Variants in SFMBT1 observed in about 807,000 individuals in gnomAD.
SFMBT1 encodes the protein scm-like with four MBT domains protein 1.
Under a neutral mutation model 108.7 loss-of-function variants are expected in SFMBT1, and 32 were observed. The observed-to-expected ratio is 0.29, with a 90% CI of 0.22 to 0.40. The LOEUF (loss-of-function observed/expected upper bound fraction) is 0.40. Among genes scored for constraint, SFMBT1 ranks in the 10% least tolerant of loss-of-function variants. The probability of loss-of-function intolerance (pLI) is 1.00; values close to 1 mark genes in which losing one functional copy is unlikely to be tolerated. For synonymous variants in SFMBT1, 348 were observed against 369.5 expected (o/e 0.94, Z 0.67); for missense variants, 816 against 1,059.6 (o/e 0.77, Z 3.19).
At position 52,966,690 on chromosome 3, in the gene SFMBT1, G is replaced by A. The variant is rs1414325612; in HGVS notation, c.28+2411C>T. 1.7e-4 allele frequency among the ~76,000 whole-genome samples: 26 copies of A among 148,654 alleles called. 1 individual carries two copies. The highest frequency in any genetic ancestry group is 1.7e-3 in the Admixed American group (26 of 14,944). ...TAAATAGAAATGAAGTGACAAAAGA[G>A]AGAATCTTGGAAAATCAGGAAAAGA... On this transcript the variant is annotated intron_variant, in intron 2 of 20. Transcript: ENST00000394752.
At chr3:52,989,503 T>C (rs1366756169) in intron 1 of SFMBT1, among the ~76,000 whole-genome samples, 1 of 150,790 alleles carries the variant, frequency 6.6e-6, no homozygotes, top group Admixed American at 6.6e-5. Context: ...GTTCATGTTT[T>C]ATAAGAAAAA....
chr3:53,007,544 T>C (rs542674129), intron 1 of SFMBT1, among the ~76,000 whole-genome samples: 11 of 152,278 alleles, frequency 7.2e-5, no homozygotes, highest in African/African-American at 2.4e-4. Flanking sequence ...CCAAGAATAA[T>C]GGAGACATGT....
At chr3:52,994,915 C>A (rs72961763) in intron 1 of SFMBT1, among the ~76,000 whole-genome samples, 1 of 142,730 alleles carries the variant, frequency 7.0e-6, no homozygotes, top group Non-Finnish European at 1.6e-5. Flanking sequence ...AAAAAAAGAG[C>A]AAGAAATTGA....
intron 1 of SFMBT1, among the ~76,000 whole-genome samples, chr3:53,022,367 T>A (rs1245615971): frequency 6.6e-6 from 1 of 150,804 alleles, no homozygotes; most frequent in Non-Finnish European, 1.5e-5. Context: ...GGAGAACTGC[T>A]TGGGCCCAGG....
At chr3:53,035,834 C>G (rs1438602304) in intron 1 of SFMBT1, among the ~76,000 whole-genome samples, 3 of 152,202 alleles carry the variant, frequency 2.0e-5, no homozygotes, top group African/African-American at 7.2e-5. Context: ...CTCAAGTGAT[C>G]CGCCCACCTC....
At chr3:53,030,609 G>A (rs1575449704) in intron 1 of SFMBT1, among the ~76,000 whole-genome samples, 1 of 150,350 alleles carries the variant, frequency 6.7e-6, no homozygotes, top group Non-Finnish European at 1.5e-5. Flanking sequence ...GGAGACTGGA[G>A]GGATTGGGAG....
chr3:52,957,361 C>G (rs1256156536), intron 2 of SFMBT1, among the ~76,000 whole-genome samples: 2 of 152,048 alleles, frequency 1.3e-5, no homozygotes, highest in Admixed American at 1.3e-4. Flanking sequence ...TGCTCACAGA[C>G]AGAAAGAATC....
chr3:52,974,753 G>T (rs35384050), intron 1 of SFMBT1, among the ~76,000 whole-genome samples: 13,629 of 151,008 alleles, frequency 0.09, 626 homozygotes, highest in African/African-American at 0.098. Flanking sequence ...CACTTTGGGG[G>T]GCTGAGGTGG....
At chr3:53,003,985 T>C (rs1406764237) in intron 1 of SFMBT1, among the ~76,000 whole-genome samples, 1 of 149,792 alleles carries the variant, frequency 6.7e-6, no homozygotes, top group Non-Finnish European at 1.5e-5. Flanking sequence ...AACAACCTAC[T>C]CCTTCAACGA....
chr3:53,011,060 A>G (rs1012988486), intron 1 of SFMBT1, among the ~76,000 whole-genome samples: 1 of 152,186 alleles, frequency 6.6e-6, no homozygotes, highest in African/African-American at 2.4e-5. Flanking sequence ...CTTGCCCTAA[A>G]GGATTTTACA....
intron 1 of SFMBT1, among the ~76,000 whole-genome samples, chr3:52,972,603 C>G (rs1475031634): frequency 6.6e-6 from 1 of 152,034 alleles, no homozygotes; most frequent in East Asian, 1.9e-4. Flanking sequence ...GTGAACAGAA[C>G]ACACTAAGAG....
chr3:52,955,859 C>G (rs1339468420), intron 2 of SFMBT1, among the ~76,000 whole-genome samples: 1 of 152,132 alleles, frequency 6.6e-6, no homozygotes, highest in Non-Finnish European at 1.5e-5. Context: ...TTTATGAGGC[C>G]AGCATCATCC....
chr3:52,906,651 T>C (rs1702071903), intron 19 of SFMBT1, among the ~76,000 whole-genome samples: 1 of 152,230 alleles, frequency 6.6e-6, no homozygotes, highest in Non-Finnish European at 1.5e-5. Context: ...GTTATACATA[T>C]GTTATAAAAT....
At position 52,986,863 on chromosome 3, in the gene SFMBT1, C is replaced by T. The variant is rs374940243; in HGVS notation, c.-130-17605G>A. On this transcript the variant is annotated intron_variant, in intron 1 of 20. Coordinates refer to ENST00000394752, the MANE Select transcript of SFMBT1 (RefSeq NM_016329.4). ...GCTGAGGCAGGAGAATCGCTTGAAC[C>T]CGGGAGGTGGAGGTTGCAGTGAGCC... Among the ~76,000 whole-genome samples, 137 of 151,866 alleles carry T rather than the reference C, an allele frequency of 9.0e-4. 3 individuals are homozygous for T. The South Asian group carries it at 0.026, about 29-fold the overall frequency.
intron 1 of SFMBT1, among the ~76,000 whole-genome samples, chr3:52,975,711 C>T (rs746589936): frequency 1.4e-4 from 22 of 152,138 alleles, no homozygotes; most frequent in Non-Finnish European, 2.2e-4. Context: ...AAGCAATTCT[C>T]GTGCCTTAGC....
At chr3:52,958,976 G>A (rs35378159) in intron 2 of SFMBT1, among the ~76,000 whole-genome samples, 10,319 of 152,198 alleles carry the variant, frequency 0.068, 426 homozygotes, top group Non-Finnish European at 0.094. Flanking sequence ...GTCCTTTGCA[G>A]GGACATGGAT....
chr3:52,978,775 G>T (rs964317962), intron 1 of SFMBT1, among the ~76,000 whole-genome samples: 11 of 152,088 alleles, frequency 7.2e-5, no homozygotes, highest in African/African-American at 2.2e-4. Flanking sequence ...ATATTATTCA[G>T]CCATAAAAAG....
At position 52,982,455 on chromosome 3, in the gene SFMBT1, G is replaced by A. The variant is rs555947634; in HGVS notation, c.-130-13197C>T. On this transcript the variant is annotated intron_variant, in intron 1 of 20. Transcript: ENST00000394752. ...TTAAGATATAGATCATGGGCCGGAC[G>A]CGGTGGCTCACGCCTGTAATGCCAG... 7.2e-5 allele frequency among the ~76,000 whole-genome samples: 11 copies of A among 152,256 alleles called. 1 individual carries two copies. The South Asian group carries it at 2.1e-3, about 29-fold the overall frequency.
At chr3:52,988,449 C>T (rs926255238) in intron 1 of SFMBT1, among the ~76,000 whole-genome samples, 2 of 152,144 alleles carry the variant, frequency 1.3e-5, no homozygotes, top group South Asian at 2.1e-4. Flanking sequence ...CCCTCAAGAA[C>T]GCCTCCCAAC....
Sources: gnomAD v4.1 joint callset for allele counts (sites outside exome capture counted in the v4.1 genomes callset) on GRCh38, gnomAD v4.1.1 for gene constraint, MANE v1.5 for transcripts, NCBI Gene and HGNC (gene_info 2026-07-23, HGNC 2026-07-21) for gene names.